The following MACF1 variants were observed in gnomAD, a reference collection of about 807,000 sequenced individuals.
MACF1 encodes the protein microtubule actin crosslinking factor 1.
MACF1 carries 193 observed loss-of-function variants against 854.8 expected under a neutral mutation model. That is an observed-to-expected ratio of 0.23 (90% CI 0.20 to 0.25). The LOEUF (loss-of-function observed/expected upper bound fraction) is 0.25. Among genes scored for constraint, MACF1 ranks in the 10% least tolerant of loss-of-function variants. MACF1 has a pLI of 1.00. For missense variants in MACF1, 7,722 were observed against 8,929.1 expected, an observed-to-expected ratio of 0.86 and a Z score of 5.45; for synonymous variants, 3,185 against 3,226.7, an observed-to-expected ratio of 0.99 and a Z score of 0.44.
intron 66 of MACF1, among the ~76,000 whole-genome samples, chr1:39,431,191 AT>A (rs1643870962): frequency 6.6e-6 from 1 of 152,208 alleles, no homozygotes; most frequent in Non-Finnish European, 1.5e-5. Flanking sequence ...GCTGATGGTG[AT>A]GGGAGTAGAT....
intron 6 of MACF1, among the ~76,000 whole-genome samples, chr1:39,274,648 C>A (rs999473339): frequency 6.6e-6 from 1 of 152,112 alleles, no homozygotes; most frequent in African/African-American, 2.4e-5. Flanking sequence ...GTCCTAGAAC[C>A]AATTCTCCAT....
intron 2 of MACF1, among the ~76,000 whole-genome samples, chr1:39,112,338 C>A (rs1051003168): frequency 6.6e-6 from 1 of 152,102 alleles, no homozygotes; most frequent in Non-Finnish European, 1.5e-5. Context: ...CCCTCCTCGA[C>A]CTCTCAAAGT....
chr1:39,149,735 C>CAATAT (rs1643537035), intron 2 of MACF1, among the ~76,000 whole-genome samples: 1 of 150,812 alleles, frequency 6.6e-6, no homozygotes, highest in East Asian at 2.0e-4. Context: ...CATCCCAGCC[C>CAATAT]GATATTTAAA....
chr1:39,335,414 G>A lies in MACF1; in HGVS notation c.8826G>A (p.Val2942=). The change falls in exon 37 of 101, where the codon GTG becomes GTA. Residue 2942 remains valine (V), a synonymous_variant. Coordinates refer to ENST00000564288, the MANE Select transcript of MACF1 (RefSeq NM_001394062.1). ...AAATAAGAGAAAATCAAGGGGAAGT[G>A]ATTTTGGAAGTACAAGAAACATATT... ...SEEIRENQGE[V]ILEVQETYCE... is the part of the protein sequence containing the mutation. 1 of 1,614,168 alleles carries A rather than the reference G, an allele frequency of 6.2e-7. No individual in the cohort carries two copies. Among genetic ancestry groups the A allele is most frequent in the Non-Finnish European group, 8.5e-7 (1 of 1,180,026 alleles).
intron 64 of MACF1, 111 bp from the exon 65 acceptor site, chr1:39,429,716 G>A: frequency 1.3e-6 from 1 of 747,376 alleles, no homozygotes; most frequent in South Asian, 2.4e-5. Context: ...CATTACCACA[G>A]AGAGAGAGAG....
chr1:39,147,035 T>TC (rs990446323), intron 2 of MACF1, among the ~76,000 whole-genome samples: 1 of 151,630 alleles, frequency 6.6e-6, no homozygotes, highest in African/African-American at 2.4e-5. Flanking sequence ...CTTCCTTCCT[T>TC]CTTCTTCTCC....
At position 39,471,040 on chromosome 1, in the gene MACF1, G is replaced by A. The variant is rs567494723; in HGVS notation, c.21958+1425G>A. 3.3e-5 allele frequency among the ~76,000 whole-genome samples: 5 copies of A among 152,226 alleles called. No individual in the cohort carries two copies. In the South Asian group the frequency reaches 1.0e-3, roughly 32 times the overall value. On this transcript the variant is annotated intron_variant, in intron 97 of 100. Transcript: ENST00000564288. ...CTATGAAAGCTAGTAACCTTTTTTA[G>A]CATCCCTTGGAACAAGCAAGGTAAG...
chr1:39,468,385 G>A (rs1644711542), intron 95 of MACF1, among the ~76,000 whole-genome samples: 1 of 152,206 alleles, frequency 6.6e-6, no homozygotes, highest in Non-Finnish European at 1.5e-5. Flanking sequence ...GTGAAACTCT[G>A]TCTCACAAAG....
At chr1:39,484,913 G>A in intron 100 of MACF1, 183 bp downstream of exon 100, 1 of 673,288 alleles carries the variant, frequency 1.5e-6, no homozygotes, top group Non-Finnish European at 2.6e-6. Flanking sequence ...CTAGCTTTAA[G>A]CTTTCCTTCT....
Position 39,332,797 on chromosome 1 carries a change from A to C in MACF1, c.6209A>C (p.Glu2070Ala), listed in dbSNP as rs1646750000. The part of the protein sequence containing the change: ...EKGKKTTVET[E>A]DSSVENPEQD... ...GGCAAAAAGACCACTGTAGAAACAGAAGATTCTTCTGTAGAGAACCCTGAA... is the reference window on the plus strand; with the variant it reads ...GGCAAAAAGACCACTGTAGAAACAGCAGATTCTTCTGTAGAGAACCCTGAA... The change falls in exon 37 of 101, where the codon GAA (glutamate) becomes GCA (alanine). Residue 2070 changes from glutamate to alanine, a missense_variant. By Grantham distance (107) the Glu-to-Ala change is moderately radical. This residue lies in a region of MACF1 where 1,531 missense variants were observed against 1,601.6 expected (regional missense o/e 0.96). Transcript: ENST00000564288. The C allele has an allele frequency of 1.2e-6, 2 of 1,614,200 alleles. No individual in the cohort carries two copies. The highest frequency in any genetic ancestry group is 2.7e-5 in the African/African-American group (2 of 75,056).
rs1407153930 is a variant in MACF1, at chr1:39,370,046, T to A, written c.12955T>A (p.Ser4319Thr). Reference sequence around the variant, plus strand: ...CATTGACAGAGAGAAAGATGCATCATCTTGCCAGGAACAGTTGGATGAATT... The same window carrying A: ...CATTGACAGAGAGAAAGATGCATCAACTTGCCAGGAACAGTTGGATGAATT... ...TVKEREKDASSCQEQLDEFRK... is the reference protein window; with the variant it reads ...TVKEREKDASTCQEQLDEFRK... Residue 4319 changes from serine (S) to threonine (T), a missense_variant, in exon 51 of 101, where the codon TCT becomes ACT. Coordinates refer to ENST00000564288, the MANE Select transcript of MACF1 (RefSeq NM_001394062.1). 7 of 1,611,464 alleles carry A rather than the reference T, an allele frequency of 4.3e-6. No individual in the cohort carries two copies. Among genetic ancestry groups the A allele is most frequent in the Non-Finnish European group, 5.9e-6 (7 of 1,179,266 alleles).
In MACF1 at chr1:39,429,816, A is replaced by G. The variant is rs759387604; in HGVS notation, c.16889-11A>G. 3 of 1,613,640 alleles carry G rather than the reference A, an allele frequency of 1.9e-6. No individual in the cohort carries two copies. Among genetic ancestry groups the G allele is most frequent in the Non-Finnish European group, 2.5e-6 (3 of 1,179,664 alleles). On this transcript the variant is annotated splice_polypyrimidine_tract_variant and intron_variant, in intron 64 of 100. Coordinates refer to ENST00000564288, the MANE Select transcript of MACF1 (RefSeq NM_001394062.1). Reference sequence around the variant, plus strand: ...TCTTAAATATGAGTAATTGTGTGCTATCTTCCATAGGTGAGGAGGTGTTAC... The same window carrying G: ...TCTTAAATATGAGTAATTGTGTGCTGTCTTCCATAGGTGAGGAGGTGTTAC...
chr1:39,393,196 A>AAAAAAAAAATATATATATATAT (rs57576149), intron 58 of MACF1, among the ~76,000 whole-genome samples: 19 of 66,562 alleles, frequency 2.9e-4, no homozygotes, highest in South Asian at 8.5e-4. Flanking sequence ...AAAAAAAAAA[A>AAAAAAAAAATATATATATATAT]ATATATATAT....
chr1:39,086,433 TGCA>T (rs1022390074), intron 2 of MACF1, among the ~76,000 whole-genome samples: 2 of 152,192 alleles, frequency 1.3e-5, no homozygotes, highest in Non-Finnish European at 2.9e-5. Context: ...CCTTTGGGCC[TGCA>T]GCATCAGCCA....
At chr1:39,418,791 A>T (rs560162335) in intron 58 of MACF1, among the ~76,000 whole-genome samples, 2 of 152,232 alleles carry the variant, frequency 1.3e-5, no homozygotes, top group South Asian at 4.1e-4. Flanking sequence ...TGAACCTGGG[A>T]GGCAGAGGTT....
In MACF1 at chr1:39,292,850, T is replaced by G. The variant is rs1175978673; in HGVS notation, c.1992+7T>G. ...ACAGTATTGTAAATTGAAGGTGAGT[T>G]TCTGCCGATTCTCTTACATTCTGCT... On this transcript the variant is annotated splice_region_variant and intron_variant, in intron 17 of 100. Coordinates refer to ENST00000564288, the MANE Select transcript of MACF1 (RefSeq NM_001394062.1). 6.2e-7 allele frequency: 1 copy of G among 1,608,512 alleles called. No individual in the cohort carries two copies. Among genetic ancestry groups the G allele is most frequent in the African/African-American group, 1.3e-5 (1 of 74,782 alleles).
chr1:39,443,446 G>A lies in MACF1; in HGVS notation c.19303G>A (p.Ala6435Thr), dbSNP rs780528635. The part of the protein sequence containing the change: ...EQQLQSTLQQ[A>T]QGFHSEIEDF... ...GGTTGATATATCTTTTTCTCAAAAG[G>A]CCCAGGGCTTCCACAGTGAAATTGA... Residue 6435 changes from alanine to threonine, a missense_variant and splice_region_variant, in exon 79 of 101, where the codon GCC (alanine) becomes ACC (threonine). Physicochemically the swap from Ala to Thr is moderately conservative, Grantham distance 58. Around this residue, in one of 15 missense-constraint regions of MACF1, gnomAD observed 729 missense variants for 900.5 expected, o/e 0.81. Transcript: ENST00000564288. 1.9e-6 allele frequency: 3 copies of A among 1,607,058 alleles called. No individual in the cohort carries two copies. The Admixed American group carries it at 5.2e-5, about 28-fold the overall frequency.
chr1:39,423,055 A>C (rs574355224), intron 60 of MACF1, among the ~76,000 whole-genome samples, 155 bp downstream of exon 60: 2 of 152,352 alleles, frequency 1.3e-5, no homozygotes, highest in East Asian at 3.9e-4. Flanking sequence ...GATTTTCATT[A>C]TCTTACTTAA....
intron 58 of MACF1, chr1:39,410,768 A>G (rs757493979): frequency 6.2e-7 from 1 of 1,614,024 alleles, no homozygotes; most frequent in Admixed American, 1.7e-5. Flanking sequence ...TTGCAAGAGA[A>G]GAAGGAGTCC....
Sources: gnomAD v4.1 joint callset for allele counts (sites outside exome capture counted in the v4.1 genomes callset) on GRCh38, gnomAD v4.1.1 for gene constraint, gnomAD v4.1.1 regional missense constraint, MANE v1.5 for transcripts, NCBI Gene and HGNC (gene_info 2026-07-23, HGNC 2026-07-21) for gene names.